FNDC3A: variants seen among roughly 807,000 people sequenced by gnomAD.
FNDC3A encodes fibronectin type-III domain-containing protein 3A.
Under a neutral mutation model 148.9 loss-of-function variants are expected in FNDC3A, and 32 were observed. That is an observed-to-expected ratio of 0.21 (90% CI 0.16 to 0.29). FNDC3A has a LOEUF of 0.29. Among genes scored for constraint, FNDC3A ranks in the 10% least tolerant of loss-of-function variants. FNDC3A has a pLI of 1.00. For missense variants in FNDC3A, 1,191 were observed against 1,452.8 expected, an observed-to-expected ratio of 0.82 and a Z score of 2.93; for synonymous variants, 472 against 473.6, an observed-to-expected ratio of 1.00 and a Z score of 0.04.
chr13:49,002,718 G>A (rs1952147335), intron 1 of FNDC3A, among the ~76,000 whole-genome samples: 1 of 152,150 alleles, frequency 6.6e-6, no homozygotes, highest in South Asian at 2.1e-4. Context: ...ATTCTTTTGT[G>A]TGTTTTTCAT....
At chr13:49,151,382 T>C (rs186716470) in intron 8 of FNDC3A, among the ~76,000 whole-genome samples, 4 of 152,304 alleles carry the variant, frequency 2.6e-5, no homozygotes, top group African/African-American at 9.6e-5. Context: ...CTGTTTTATC[T>C]GAGTGTAGCT....
intron 4 of FNDC3A, among the ~76,000 whole-genome samples, chr13:49,118,856 C>G (rs145957914): frequency 6.4e-4 from 98 of 152,372 alleles, no homozygotes; most frequent in African/African-American, 2.0e-3. Flanking sequence ...CAGCCCCAGT[C>G]AGGGGCTTAT....
At chr13:49,020,531 G>A (rs1873241545) in intron 2 of FNDC3A, among the ~76,000 whole-genome samples, 2 of 152,216 alleles carry the variant, frequency 1.3e-5, no homozygotes, top group Non-Finnish European at 2.9e-5. Context: ...GTTTGCTGTG[G>A]CTGTGCGCCA....
chr13:49,072,745 A>G (rs776564915), intron 2 of FNDC3A, among the ~76,000 whole-genome samples: 7 of 152,166 alleles, frequency 4.6e-5, no homozygotes, highest in Non-Finnish European at 1.0e-4. Context: ...CAGCCTCCCA[A>G]AGTATTGGGA....
chr13:48,987,437 T>C (rs3012134), intron 1 of FNDC3A, among the ~76,000 whole-genome samples: 149,812 of 152,326 alleles, frequency 0.98, 73,698 homozygotes, highest in South Asian at 1. Flanking sequence ...ATTTTCATGT[T>C]AGTATTAAGG....
intron 13 of FNDC3A, among the ~76,000 whole-genome samples, chr13:49,176,630 A>T (rs959609233): frequency 2.0e-5 from 3 of 152,126 alleles, no homozygotes; most frequent in Admixed American, 6.5e-5. Context: ...TTAAAGTATA[A>T]TTTTTTAAAA....
At position 49,203,231 on chromosome 13, in the gene FNDC3A, C is replaced by T; in HGVS notation, c.3229C>T (p.Pro1077Ser). The part of the protein sequence containing the change: ...WECLQPMKGD[P>S]VIYSLQVMLG... ...GTGTTTACAGCCAATGAAAGGTGAT[C>T]CAGTTATTTACAGTCTTCAAGTTAT... is the stretch of plus-strand genomic sequence containing the variant. Residue 1077 changes from proline (P) to serine (S), a missense_variant, in exon 25 of 26, where the codon CCA becomes TCA. Transcript: ENST00000492622. The T allele has an allele frequency of 1.9e-6, 3 of 1,604,754 alleles. No individual in the cohort carries two copies. Among genetic ancestry groups the T allele is most frequent in the Non-Finnish European group, 2.6e-6 (3 of 1,171,904 alleles).
At position 49,075,374 on chromosome 13, in the gene FNDC3A, G is replaced by T. The variant is rs746032458; in HGVS notation, c.175+10G>T. On this transcript the variant is annotated intron_variant, in intron 3 of 25. Coordinates refer to ENST00000492622, the MANE Select transcript of FNDC3A (RefSeq NM_001079673.2). The stretch of plus-strand genomic sequence containing the variant: ...TTTCAGTGCATTACAGGTAAGAATG[G>T]TAATTGAGAATAATCATTTGAGACC... 1.3e-6 allele frequency: 2 copies of T among 1,514,224 alleles called. No individual in the cohort carries two copies. Among genetic ancestry groups the T allele is most frequent in the African/African-American group, 2.8e-5 (2 of 72,568 alleles). The allele number at this position is 1,514,224 out of a possible 1,614,324, so 93.8% of individuals were successfully genotyped here.
intron 2 of FNDC3A, among the ~76,000 whole-genome samples, chr13:49,008,440 A>G (rs189720151): frequency 7.7e-6 from 1 of 130,684 alleles, no homozygotes; most frequent in African/African-American, 2.9e-5. Context: ...ACAGACTAAA[A>G]AACTGTTCCT....
At chr13:48,990,396 T>C (rs1335773827) in intron 1 of FNDC3A, among the ~76,000 whole-genome samples, 1 of 151,736 alleles carries the variant, frequency 6.6e-6, no homozygotes, top group African/African-American at 2.4e-5. Context: ...GGCAAATATA[T>C]AGGATTTAAA....
chr13:49,160,653 T>G (rs1208910552), intron 8 of FNDC3A, among the ~76,000 whole-genome samples: 1 of 151,938 alleles, frequency 6.6e-6, no homozygotes, highest in East Asian at 1.9e-4. Flanking sequence ...ATTTCTTGTT[T>G]TCTGCTAGCT....
At chr13:49,200,459 A>G (rs1337591690) in intron 23 of FNDC3A, among the ~76,000 whole-genome samples, 1 of 152,138 alleles carries the variant, frequency 6.6e-6, no homozygotes, top group Non-Finnish European at 1.5e-5. Flanking sequence ...TGCCTTGTAC[A>G]GGTTTTTGGT....
intron 2 of FNDC3A, among the ~76,000 whole-genome samples, chr13:49,068,965 T>C (rs569450753): frequency 4.6e-5 from 7 of 152,278 alleles, no homozygotes; most frequent in East Asian, 3.9e-4. Context: ...CTAGATTTAG[T>C]ACCTGGGTTG....
intron 2 of FNDC3A, among the ~76,000 whole-genome samples, chr13:49,015,619 A>G (rs1335986455): frequency 6.6e-6 from 1 of 152,202 alleles, no homozygotes; most frequent in African/African-American, 2.4e-5. Flanking sequence ...TGCCCTGGCC[A>G]GAACTTCCAA....
chr13:49,115,183 AGG>A (rs11353117), intron 4 of FNDC3A, among the ~76,000 whole-genome samples: 18,195 of 133,694 alleles, frequency 0.14, 1,488 homozygotes, highest in African/African-American at 0.23. Flanking sequence ...CTGAGGGATG[AGG>A]GGGGGGGGGA....
At chr13:49,171,743 C>T (rs1252870314) in intron 10 of FNDC3A, among the ~76,000 whole-genome samples, 2 of 152,122 alleles carry the variant, frequency 1.3e-5, no homozygotes, top group East Asian at 3.8e-4. Context: ...GCTGATAAAA[C>T]TCTCTGGAAG....
At chr13:49,006,719 A>G (rs941943671) in intron 2 of FNDC3A, among the ~76,000 whole-genome samples, 1 of 151,916 alleles carries the variant, frequency 6.6e-6, no homozygotes, top group Non-Finnish European at 1.5e-5. Context: ...TGAAAAGCTG[A>G]TAGATTTTTT....
At chr13:49,205,903 TCTTA>T (rs375618710) in intron 25 of FNDC3A, among the ~76,000 whole-genome samples, 256 of 152,326 alleles carry the variant, frequency 1.7e-3, no homozygotes, top group African/African-American at 6.0e-3. Flanking sequence ...GAGACAGAGA[TCTTA>T]CTTTACTTTG....
intron 8 of FNDC3A, among the ~76,000 whole-genome samples, chr13:49,152,450 T>G (rs1883362570): frequency 6.6e-6 from 1 of 152,224 alleles, no homozygotes; most frequent in Admixed American, 6.5e-5. Context: ...TTGTTTTAAG[T>G]TCTTTGTAGA....
Sources: gnomAD v4.1 joint callset for allele counts (sites outside exome capture counted in the v4.1 genomes callset) on GRCh38, gnomAD v4.1.1 for gene constraint, MANE v1.5 for transcripts, NCBI Gene and HGNC (gene_info 2026-07-23, HGNC 2026-07-21) for gene names.